Variants in TIAM1 observed in about 807,000 individuals in gnomAD.
TIAM1 encodes the protein TIAM Rac1 associated GEF 1.
In TIAM1, 65 loss-of-function variants were observed where a neutral mutation model predicts 163.5. The observed-to-expected ratio is 0.40, with a 90% CI of 0.33 to 0.49. The LOEUF is 0.49. Among genes scored for constraint, TIAM1 ranks in the 20% least tolerant of loss-of-function variants. The pLI is 0.77. For synonymous variants in TIAM1, 833 were observed against 810.1 expected (o/e 1.03, Z -0.48); for missense variants, 1,789 against 2,044.7 (o/e 0.87, Z 2.41).
chr21:31,149,412 T>C (rs1387595495), intron 19 of TIAM1, among the ~76,000 whole-genome samples: 1 of 152,222 alleles, frequency 6.6e-6, no homozygotes, highest in African/African-American at 2.4e-5. Flanking sequence ...TTTCCAATTT[T>C]AGAGCAGTTT....
At chr21:31,217,224 G>T (rs557665655) in intron 9 of TIAM1, among the ~76,000 whole-genome samples, 3 of 151,502 alleles carry the variant, frequency 2.0e-5, no homozygotes, top group African/African-American at 7.3e-5. Flanking sequence ...AAAAAAGACT[G>T]CACTCAGGTA....
At chr21:31,148,861 A>C (rs1028120053) in intron 19 of TIAM1, among the ~76,000 whole-genome samples, 2 of 152,246 alleles carry the variant, frequency 1.3e-5, no homozygotes, top group African/African-American at 2.4e-5. Flanking sequence ...AATTTTATCA[A>C]AACTTATTTG....
chr21:31,197,742 C>T (rs921276909), intron 12 of TIAM1, among the ~76,000 whole-genome samples: 3 of 152,156 alleles, frequency 2.0e-5, no homozygotes, highest in African/African-American at 7.2e-5. Flanking sequence ...TGTGTCACGC[C>T]TCTCACGCTA....
intron 2 of TIAM1, among the ~76,000 whole-genome samples, chr21:31,397,677 A>T (rs532253164): frequency 3.3e-5 from 5 of 152,136 alleles, no homozygotes; most frequent in Non-Finnish European, 7.4e-5. Flanking sequence ...TTATGATCCA[A>T]ATCTGTTAGG....
At chr21:31,359,746 A>G (rs1293146485) in intron 2 of TIAM1, among the ~76,000 whole-genome samples, 1 of 151,532 alleles carries the variant, frequency 6.6e-6, no homozygotes, top group Non-Finnish European at 1.5e-5. Context: ...TCGAGATCAC[A>G]CCATTGCACA....
intron 2 of TIAM1, among the ~76,000 whole-genome samples, chr21:31,438,470 G>A (rs2044299029): frequency 6.6e-6 from 1 of 152,110 alleles, no homozygotes; most frequent in Non-Finnish European, 1.5e-5. Flanking sequence ...GGGATTACAA[G>A]TGTGAGCCAC....
intron 2 of TIAM1, among the ~76,000 whole-genome samples, chr21:31,308,740 C>T (rs778800419): frequency 6.6e-6 from 1 of 152,054 alleles, no homozygotes; most frequent in African/African-American, 2.4e-5. Context: ...CCAGCTAATG[C>T]CAGATGAGCC....
intron 2 of TIAM1, among the ~76,000 whole-genome samples, chr21:31,360,615 G>A (rs935704161): frequency 7.2e-5 from 11 of 151,958 alleles, no homozygotes; most frequent in South Asian, 2.1e-4. Context: ...CAAGCCACAC[G>A]GTGAGACAAT....
intron 8 of TIAM1, 106 bp downstream of exon 8, chr21:31,223,300 T>C: frequency 2.4e-6 from 3 of 1,276,200 alleles, no homozygotes; most frequent in Non-Finnish European, 3.2e-6. Flanking sequence ...CAGAAATCCA[T>C]ACACAGCAGG....
chr21:31,506,040 C>G (rs916290925), intron 1 of TIAM1, among the ~76,000 whole-genome samples: 28 of 148,888 alleles, frequency 1.9e-4, no homozygotes, highest in African/African-American at 6.9e-4. Flanking sequence ...AAGGCTGATG[C>G]GCACAACAGG....
intron 14 of TIAM1, among the ~76,000 whole-genome samples, chr21:31,184,530 C>T (rs563084542): frequency 3.3e-5 from 5 of 152,296 alleles, no homozygotes; most frequent in Non-Finnish European, 7.3e-5. Flanking sequence ...GAGAACAGAG[C>T]AAGGGGGTTA....
chr21:31,399,261 T>A (rs1188971634), intron 2 of TIAM1, among the ~76,000 whole-genome samples: 1 of 152,030 alleles, frequency 6.6e-6, no homozygotes, highest in Non-Finnish European at 1.5e-5. Context: ...TATTTTTTTT[T>A]AATATTGGCT....
chr21:31,210,735 G>GAA (rs2086803700), intron 10 of TIAM1, among the ~76,000 whole-genome samples: 1 of 96,376 alleles, frequency 1.0e-5, no homozygotes, highest in African/African-American at 5.9e-5. Context: ...GAAAGAGAAA[G>GAA]AAGGAAGGAA....
chr21:31,406,173 G>T (rs1429168701), intron 2 of TIAM1, among the ~76,000 whole-genome samples: 1 of 127,316 alleles, frequency 7.9e-6, no homozygotes, highest in African/African-American at 3.0e-5. Context: ...TGGCTTAAAT[G>T]TTATCTTAAA....
At chr21:31,505,473 T>C (rs2046993556) in intron 1 of TIAM1, among the ~76,000 whole-genome samples, 1 of 152,188 alleles carries the variant, frequency 6.6e-6, no homozygotes, top group South Asian at 2.1e-4. Flanking sequence ...CCAAGCTCAC[T>C]GGTGTCATTC....
upstream of TIAM1, among the ~76,000 whole-genome samples, chr21:31,345,587 A>T (rs2076133425): frequency 6.6e-6 from 1 of 152,168 alleles, no homozygotes; most frequent in African/African-American, 2.4e-5. Context: ...AAAGGCTGGT[A>T]TAGCAGAAAA....
Position 31,141,146 on chromosome 21 carries a change from A to G in TIAM1, c.3746T>C (p.Ile1249Thr), listed in dbSNP as rs1461436751. The G allele has an allele frequency of 2.5e-6, 4 of 1,614,076 alleles. No homozygotes were observed. The highest frequency in any genetic ancestry group is 3.3e-5 in the Admixed American group (2 of 60,012). ...TTTTTTCTCACCAGTCTGTTCAGCAATCAGCTGGTCAAACACAGCCCCAAA... is the reference window on the plus strand; with the variant it reads ...TTTTTTCTCACCAGTCTGTTCAGCAGTCAGCTGGTCAAACACAGCCCCAAA... ...EEFGAVFDQL[I>T]AEQTGEKKEV... is the part of the protein sequence containing the mutation. Residue 1249 changes from isoleucine to threonine, a missense_variant, in exon 22 of 28, where the codon ATT (isoleucine) becomes ACT (threonine). Ile to Thr is a moderately conservative substitution (Grantham distance 89, BLOSUM62 -1). Around this residue, in one of 5 missense-constraint regions of TIAM1, gnomAD observed 415 missense variants for 439.2 expected, o/e 0.94. Coordinates refer to ENST00000541036, the MANE Select transcript of TIAM1 (RefSeq NM_001353694.2). The surrounding 1 kb of genome is among the most constrained non-coding windows in gnomAD (Gnocchi z 4.7).
rs960235860 is a variant in TIAM1, at chr21:31,141,531, G to C, written c.3476-27C>G. On this transcript the variant is annotated intron_variant, in intron 20 of 27. Transcript: ENST00000541036. This position sits in a 1 kb window ranked among gnomAD's most constrained non-coding sequence, Gnocchi z 4.7. ...TGGCAGGGTTTAAACACAGGTCATG[G>C]GGGTGGAACGCCCACGTGACTCCCT... 1.9e-6 allele frequency: 3 copies of C among 1,607,328 alleles called. No individual in the cohort carries two copies. The highest frequency in any genetic ancestry group is 2.2e-5 in the East Asian group (1 of 44,846).
At chr21:31,479,914 C>CA (rs1569368636) in intron 1 of TIAM1, among the ~76,000 whole-genome samples, 1 of 152,186 alleles carries the variant, frequency 6.6e-6, no homozygotes, top group Non-Finnish European at 1.5e-5. Context: ...GATGCCCCTA[C>CA]ACGTGCTCTC....
Sources: gnomAD v4.1 joint callset for allele counts (sites outside exome capture counted in the v4.1 genomes callset) on GRCh38, gnomAD v4.1.1 for gene constraint, gnomAD v4.1.1 regional missense constraint, Gnocchi (gnomAD v3.1) non-coding constraint, MANE v1.5 for transcripts, NCBI Gene and HGNC (gene_info 2026-07-23, HGNC 2026-07-21) for gene names.